Variants in DRP2 observed in about 807,000 individuals in gnomAD.
DRP2 encodes the protein dystrophin-related protein 2.
DRP2 carries 29 observed loss-of-function variants against 78.2 expected under a neutral mutation model. The ratio of observed to expected loss-of-function variants is 0.37; its 90% CI spans 0.28 to 0.51. DRP2 has a LOEUF of 0.51. DRP2 is among the 20% of genes least tolerant of loss of function. The pLI is 0.94. For missense variants in DRP2, 686 were observed against 770.6 expected, an observed-to-expected ratio of 0.89 and a Z score of 1.30; for synonymous variants, 290 against 281.9, an observed-to-expected ratio of 1.03 and a Z score of -0.29.
chrX:101,247,169 G>A lies in DRP2; in HGVS notation c.1252+5G>A. On this transcript the variant is annotated splice_donor_5th_base_variant and intron_variant, in intron 12 of 23. Coordinates refer to ENST00000395209, the MANE Select transcript of DRP2 (RefSeq NM_001939.3). Reference sequence around the variant, plus strand: ...GAGTCCAGAAAGCCCTGCGCTGTACGTCTCCTGTTGTACTTCCCTATGACG... The same window carrying A: ...GAGTCCAGAAAGCCCTGCGCTGTACATCTCCTGTTGTACTTCCCTATGACG... 1 of 1,198,681 alleles carries A rather than the reference G, an allele frequency of 8.3e-7. No individual in the cohort carries two copies. The highest frequency in any genetic ancestry group is 1.1e-6 in the Non-Finnish European group (1 of 886,547).
At chrX:101,252,750 G>A (rs757200866) in intron 17 of DRP2, 34 bp downstream of exon 17, 11 of 1,112,243 alleles carry the variant, frequency 9.9e-6, no homozygotes, top group Non-Finnish European at 1.4e-5. Flanking sequence ...GGAGGGTTAG[G>A]CAGCTCTCAG....
Position 101,259,987 on chromosome X carries a change from GA to G in DRP2, c.2629-61del. The G allele has an allele frequency of 3.4e-6, 4 of 1,193,341 alleles. No homozygotes were observed. In the South Asian group the frequency reaches 5.5e-5, roughly 16 times the overall value. On this transcript the variant is annotated intron_variant, in intron 22 of 23. Transcript: ENST00000395209. ...TCTCTCAGGTCCCTTCTAAGCTCAG[GA>G]GTCTGTCAGAGTAAGGTCAGGAAGG...
At position 101,250,575 on chromosome X, in the gene DRP2, C is replaced by T. The variant is rs925364201; in HGVS notation, c.1693C>T (p.Arg565Cys). Residue 565 changes from arginine to cysteine, a missense_variant, in exon 15 of 24, where the codon CGT becomes TGT. Arg to Cys is a radical substitution (Grantham distance 180). This residue lies in a region of DRP2 where 423 missense variants were observed against 531.5 expected (regional missense o/e 0.80). Coordinates refer to ENST00000395209, the MANE Select transcript of DRP2 (RefSeq NM_001939.3). Reference protein sequence around the residue: ...NVEPSVRSCFRFSTGKPVIEA... With the variant: ...NVEPSVRSCFCFSTGKPVIEA... ...GGAGCCCAGTGTCCGTAGTTGCTTC[C>T]GTTTTGTGAGTATGGAACTGGGGAG... is the stretch of plus-strand genomic sequence containing the variant. 3 of 1,190,397 alleles carry T rather than the reference C, an allele frequency of 2.5e-6. No individual in the cohort carries two copies. The highest frequency in any genetic ancestry group is 3.0e-5 in the East Asian group (1 of 33,431).
chrX:101,246,700 T>C (rs1195493303), intron 11 of DRP2, among the ~76,000 whole-genome samples: 1 of 112,564 alleles, frequency 8.9e-6, no homozygotes, highest in Non-Finnish European at 1.9e-5. Flanking sequence ...TTAATTTTGT[T>C]GTTTTCACTC....
chrX:101,220,756 TC>T (rs960254817), intron 1 of DRP2, among the ~76,000 whole-genome samples: 8 of 111,190 alleles, frequency 7.2e-5, no homozygotes, highest in Non-Finnish European at 1.5e-4. Context: ...GAAGGGCTCA[TC>T]TCATCTCTGT....
chrX:101,248,758 A>G (rs1923027211), intron 14 of DRP2, among the ~76,000 whole-genome samples, 159 bp downstream of exon 14: 2 of 112,328 alleles, frequency 1.8e-5, no homozygotes, highest in African/African-American at 6.5e-5. Flanking sequence ...GTTGCAAAGA[A>G]CACATGACAG....
chrX:101,241,814 A>G lies in DRP2; in HGVS notation c.706A>G (p.Ile236Val), dbSNP rs1320465496. ...IERTLEQLLEIQGAMEELSTT... is the reference protein window; with the variant it reads ...IERTLEQLLEVQGAMEELSTT... ...GCGGACTCTGGAGCAGCTCTTGGAG[A>G]TTCAAGGGGCAATGGAGGAACTAAG... The change falls in exon 7 of 24, where the codon ATT becomes GTT. Residue 236 changes from isoleucine (I) to valine (V), a missense_variant. By Grantham distance (29) the Ile-to-Val change is conservative. Around this residue, in one of 2 missense-constraint regions of DRP2, gnomAD observed 263 missense variants for 239.1 expected, o/e 1.10. Coordinates refer to ENST00000395209, the MANE Select transcript of DRP2 (RefSeq NM_001939.3). 18 of 1,210,191 alleles carry G rather than the reference A, an allele frequency of 1.5e-5. No individual in the cohort carries two copies. Among genetic ancestry groups the G allele is most frequent in the Non-Finnish European group, 2.0e-5 (18 of 894,764 alleles).
chrX:101,232,001 G>C (rs1922325460), intron 3 of DRP2, among the ~76,000 whole-genome samples: 1 of 111,222 alleles, frequency 9.0e-6, no homozygotes, highest in Non-Finnish European at 1.9e-5. Flanking sequence ...CTGCAGCTGA[G>C]CGGGGCTGGT....
chrX:101,253,540 C>CTTTTTTT (rs138161868), intron 17 of DRP2, among the ~76,000 whole-genome samples: 33 of 53,581 alleles, frequency 6.2e-4, no homozygotes, highest in Non-Finnish European at 7.9e-4. Flanking sequence ...TTACTTTCAC[C>CTTTTTTT]TTTTTTTTTT....
At chrX:101,248,022 CCTT>C in intron 12 of DRP2, 64 bp from the exon 13 acceptor site, 1 of 1,051,011 alleles carries the variant, frequency 9.5e-7, no homozygotes, top group Non-Finnish European at 1.3e-6. Flanking sequence ...GGCTTTATCT[CCTT>C]ATTTAATCCC....
intron 3 of DRP2, among the ~76,000 whole-genome samples, chrX:101,235,436 G>A (rs1160883926): frequency 8.0e-5 from 9 of 112,353 alleles, no homozygotes; most frequent in African/African-American, 2.9e-4. Context: ...GTAAACTGTA[G>A]GACCCTGAAG....
At position 101,255,207 on chromosome X, in the gene DRP2, A is replaced by G; in HGVS notation, c.2204A>G (p.Asn735Ser). The part of the protein sequence containing the change: ...ASRLAEMESQ[N>S]CSFFNDSLSP... ...AGGCTTGCTGAGATGGAAAGTCAAA[A>G]TTGCTCCTTCTTTAATGACAGCTTG... is the stretch of plus-strand genomic sequence containing the variant. The change falls in exon 20 of 24, where the codon AAT becomes AGT. Residue 735 changes from asparagine (N) to serine (S), a missense_variant. By Grantham distance (46) the Asn-to-Ser change is conservative. Around this residue, in one of 2 missense-constraint regions of DRP2, gnomAD observed 423 missense variants for 531.5 expected, o/e 0.80. Transcript: ENST00000395209. 1 of 1,211,038 alleles carries G rather than the reference A, an allele frequency of 8.3e-7. No individual in the cohort carries two copies. Among genetic ancestry groups the G allele is most frequent in the Non-Finnish European group, 1.1e-6 (1 of 895,232 alleles).
chrX:101,245,099 A>G, intron 10 of DRP2, 22 bp downstream of exon 10: 1 of 1,196,812 alleles, frequency 8.4e-7, no homozygotes, highest in South Asian at 1.8e-5. Flanking sequence ...TCTGAATCAG[A>G]AGCGGGTCAG....
At chrX:101,251,153 AAAAT>A in intron 16 of DRP2, 70 bp downstream of exon 16, 1 of 998,286 alleles carries the variant, frequency 1.0e-6, no homozygotes. Flanking sequence ...CAGATATTAA[AAAAT>A]AAAGTGTCAC....
In DRP2 at chrX:101,237,880, A is replaced by G. The variant is rs1258971455; in HGVS notation, c.438+105A>G. ...CCAGCTCTGCTGAGACACCTAAATG[A>G]ATAGGAGGCTGTATGCAGTCCTATT... On this transcript the variant is annotated intron_variant, in intron 5 of 23. Coordinates refer to ENST00000395209, the MANE Select transcript of DRP2 (RefSeq NM_001939.3). 3.6e-6 allele frequency: 3 copies of G among 839,247 alleles called. No individual in the cohort carries two copies. In the African/African-American group the frequency reaches 6.2e-5, roughly 17 times the overall value. 69.2% of individuals were successfully genotyped at this position (839,247 alleles called of 1,213,427 possible). A position where few individuals can be genotyped will look rare whatever the true frequency, so the allele number is the denominator to read the frequency against.
At chrX:101,236,387 C>T (rs372696193) in intron 4 of DRP2, among the ~76,000 whole-genome samples, 5 of 111,839 alleles carry the variant, frequency 4.5e-5, no homozygotes, top group South Asian at 3.7e-4. Context: ...TTAAAAATGC[C>T]GAGGTATAAA....
At chrX:101,242,049 G>A in intron 7 of DRP2, 113 bp downstream of exon 7, 1 of 929,234 alleles carries the variant, frequency 1.1e-6, no homozygotes, top group Non-Finnish European at 1.5e-6. Flanking sequence ...CTACAACTGA[G>A]TTGCTGTCAG....
At position 101,254,855 on chromosome X, in the gene DRP2, C is replaced by T; in HGVS notation, c.2115-4C>T. On this transcript the variant is annotated splice_polypyrimidine_tract_variant and splice_region_variant and intron_variant, in intron 18 of 23. Coordinates refer to ENST00000395209, the MANE Select transcript of DRP2 (RefSeq NM_001939.3). ...TCCTCCGAGTCTTTGCTGCTTTCTT[C>T]TAGGCCGGCTTCTTCCCCGATGTGG... 1 of 1,211,968 alleles carries T rather than the reference C, an allele frequency of 8.3e-7. No homozygotes were observed. The highest frequency in any genetic ancestry group is 1.1e-6 in the Non-Finnish European group (1 of 895,570).
In DRP2 at chrX:101,258,436, C is replaced by T. The variant is rs761312392; in HGVS notation, c.2518C>T (p.Arg840Cys). The change falls in exon 22 of 24, where the codon CGT becomes TGT. Residue 840 changes from arginine (R) to cysteine (C), a missense_variant. By Grantham distance (180) the Arg-to-Cys change is radical. Coordinates refer to ENST00000395209, the MANE Select transcript of DRP2 (RefSeq NM_001939.3). ...CAATGAGGAGCTTCTGGCCGAGGCC[C>T]GTATCCTTCGGCAACATAAGAGCCG... ...HRNEELLAEA[R>C]ILRQHKSRLE... The T allele has an allele frequency of 1.7e-6, 2 of 1,203,487 alleles. No individual in the cohort carries two copies. Among genetic ancestry groups the T allele is most frequent in the Admixed American group, 2.2e-5 (1 of 45,101 alleles).
Sources: gnomAD v4.1 joint callset for allele counts (sites outside exome capture counted in the v4.1 genomes callset) on GRCh38, gnomAD v4.1.1 for gene constraint, gnomAD v4.1.1 regional missense constraint, MANE v1.5 for transcripts, NCBI Gene and HGNC (gene_info 2026-07-23, HGNC 2026-07-21) for gene names.